Variants in COL5A2 observed in about 807,000 individuals in gnomAD.
The protein encoded by COL5A2 is collagen alpha-2(V) chain.
In COL5A2, 23 loss-of-function variants were observed where a neutral mutation model predicts 208.2. The ratio of observed to expected loss-of-function variants is 0.11; its 90% CI spans 0.08 to 0.16. The LOEUF (loss-of-function observed/expected upper bound fraction) is 0.16, where lower values mean the gene tolerates loss of function less well. Among genes scored for constraint, COL5A2 ranks in the 10% least tolerant of loss-of-function variants. The pLI, the probability that COL5A2 is intolerant of heterozygous loss-of-function variation, is 1.00. For missense variants in COL5A2, 1,590 were observed against 1,956.4 expected, an observed-to-expected ratio of 0.81 and a Z score of 3.53; for synonymous variants, 625 against 628.5, an observed-to-expected ratio of 0.99 and a Z score of 0.08.
intron 7 of COL5A2, among the ~76,000 whole-genome samples, chr2:189,091,368 T>C (rs996753504): frequency 1.3e-5 from 2 of 152,194 alleles, no homozygotes; most frequent in Non-Finnish European, 2.9e-5. Context: ...ATTGTTGAAA[T>C]GACAACAAAG....
intron 6 of COL5A2, among the ~76,000 whole-genome samples, chr2:189,096,930 A>T (rs1279259747): frequency 1.3e-5 from 2 of 151,998 alleles, no homozygotes; most frequent in Non-Finnish European, 2.9e-5. Flanking sequence ...TCCTCTAACA[A>T]TTTTTTCCCG....
the COL5A2 span, among the ~76,000 whole-genome samples, chr2:189,411,893 A>G: frequency 6.6e-6 from 1 of 152,192 alleles, no homozygotes. Flanking sequence ...TTTCCCAGGA[A>G]TGAATTGCTA....
chr2:189,311,575 C>G, the COL5A2 span: 2 of 1,229,622 alleles, frequency 1.6e-6, no homozygotes, highest in South Asian at 2.6e-5. Context: ...GGGCCTCCAC[C>G]TCCCTCAGGC....
the COL5A2 span, among the ~76,000 whole-genome samples, chr2:189,430,080 G>A: frequency 5.3e-5 from 8 of 152,088 alleles, no homozygotes; most frequent in African/African-American, 1.9e-4. Context: ...AGTAAAACAC[G>A]GGCCACAGCA....
chr2:189,165,764 G>A (rs1408366079), intron 1 of COL5A2, among the ~76,000 whole-genome samples: 1 of 152,170 alleles, frequency 6.6e-6, no homozygotes, highest in Non-Finnish European at 1.5e-5. Context: ...GAAAAGAAGT[G>A]CTAACTGTAA....
chr2:189,045,815 T>C lies in COL5A2; in HGVS notation c.3294A>G (p.Gly1098=). The change falls in exon 46 of 54, where the codon GGA becomes GGG. Residue 1098 remains glycine (G), a synonymous_variant. Coordinates refer to ENST00000374866, the MANE Select transcript of COL5A2 (RefSeq NM_000393.5). ...CCCTCCTTACCGGATCTCCTCTTTGTCCTGCATCTCCTGGAGCACCCACAG... is the reference window on the plus strand; with the variant it reads ...CCCTCCTTACCGGATCTCCTCTTTGCCCTGCATCTCCTGGAGCACCCACAG... ...PGPVGAPGDA[G]QRGDPGSRGP... 6.2e-7 allele frequency: 1 copy of C among 1,614,084 alleles called. No individual in the cohort carries two copies. Among genetic ancestry groups the C allele is most frequent in the East Asian group, 2.2e-5 (1 of 44,862 alleles).
chr2:189,251,282 G>C, the COL5A2 span, among the ~76,000 whole-genome samples: 2 of 152,174 alleles, frequency 1.3e-5, no homozygotes. Context: ...GACAGATCAA[G>C]ATCATGGGGG....
the COL5A2 span, among the ~76,000 whole-genome samples, chr2:189,347,645 G>A: frequency 6.6e-6 from 1 of 152,036 alleles, no homozygotes. Flanking sequence ...CTGCTGCCAT[G>A]GACTTATTTT....
At chr2:189,159,467 G>A in intron 1 of COL5A2, among the ~76,000 whole-genome samples, 1 of 152,180 alleles carries the variant, frequency 6.6e-6, no homozygotes, top group South Asian at 2.1e-4. Flanking sequence ...TAAAGCTAAG[G>A]CAGAAAATCT....
At chr2:189,282,532 C>A in the COL5A2 span, among the ~76,000 whole-genome samples, 3 of 152,080 alleles carry the variant, frequency 2.0e-5, no homozygotes, top group Non-Finnish European at 2.9e-5. Flanking sequence ...ACTTGTAATA[C>A]TGAAATAATA....
At chr2:189,102,112 GA>G (rs1687058108) in intron 3 of COL5A2, among the ~76,000 whole-genome samples, 1 of 152,044 alleles carries the variant, frequency 6.6e-6, no homozygotes, top group South Asian at 2.1e-4. Context: ...TTATGATGCT[GA>G]AACAATGCTC....
chr2:189,109,028 A>G (rs2105709273), intron 2 of COL5A2, among the ~76,000 whole-genome samples: 1 of 149,988 alleles, frequency 6.7e-6, no homozygotes, highest in African/African-American at 2.5e-5. Context: ...CATGGTCTAT[A>G]GCAATATATT....
intron 1 of COL5A2, among the ~76,000 whole-genome samples, chr2:189,118,384 A>ATTATGTC (rs1342046004): frequency 1.3e-5 from 2 of 152,090 alleles, no homozygotes; most frequent in Admixed American, 1.3e-4. Flanking sequence ...TCTGTATTTT[A>ATTATGTC]TTATGTCTTT....
chr2:189,410,078 A>T, the COL5A2 span, among the ~76,000 whole-genome samples: 1 of 152,080 alleles, frequency 6.6e-6, no homozygotes, highest in East Asian at 2.0e-4. Context: ...TTTTTATAAG[A>T]TAAGTTATGA....
chr2:189,035,935 G>A lies in COL5A2; in HGVS notation c.4113+681C>T, dbSNP rs1236344764. Reference sequence around the variant, plus strand: ...GACAGTTGTCTGAACACCAGACCATGATAGAAACAGGGTAGACTGGGACTC... The same window carrying A: ...GACAGTTGTCTGAACACCAGACCATAATAGAAACAGGGTAGACTGGGACTC... On this transcript the variant is annotated intron_variant, in intron 52 of 53. Coordinates refer to ENST00000374866, the MANE Select transcript of COL5A2 (RefSeq NM_000393.5). 2.0e-5 allele frequency among the ~76,000 whole-genome samples: 3 copies of A among 152,132 alleles called. 1 individual carries two copies. The East Asian group carries it at 5.8e-4, about 29-fold the overall frequency.
the COL5A2 span, among the ~76,000 whole-genome samples, chr2:189,378,481 T>A: frequency 6.6e-6 from 1 of 152,018 alleles, no homozygotes; most frequent in African/African-American, 2.4e-5. Context: ...TCCCAGCACT[T>A]TGGGAGGCCG....
At chr2:189,414,658 A>G in the COL5A2 span, among the ~76,000 whole-genome samples, 1 of 149,194 alleles carries the variant, frequency 6.7e-6, no homozygotes, top group African/African-American at 2.5e-5. Context: ...CTGAGGCCTG[A>G]GAATGGCTTG....
At chr2:189,413,352 C>T in the COL5A2 span, among the ~76,000 whole-genome samples, 1 of 152,040 alleles carries the variant, frequency 6.6e-6, no homozygotes, top group African/African-American at 2.4e-5. Flanking sequence ...ATCACTCATC[C>T]CAAGTAAGTA....
the COL5A2 span, among the ~76,000 whole-genome samples, chr2:189,403,253 T>C: frequency 1.3e-5 from 2 of 152,226 alleles, no homozygotes; most frequent in Admixed American, 6.5e-5. Context: ...TTTTTGCACA[T>C]TGATTTTGTA....
Sources: gnomAD v4.1 joint callset for allele counts (sites outside exome capture counted in the v4.1 genomes callset) on GRCh38, gnomAD v4.1.1 for gene constraint, MANE v1.5 for transcripts, NCBI Gene and HGNC (gene_info 2026-07-23, HGNC 2026-07-21) for gene names.